Variants in NCAPD2 observed in about 807,000 individuals in gnomAD.
The protein encoded by NCAPD2 is non-SMC condensin I complex subunit D2.
In NCAPD2, 100 loss-of-function variants were observed where a neutral mutation model predicts 164.5. That is an observed-to-expected ratio of 0.61 (90% CI 0.52 to 0.72). NCAPD2 has a LOEUF of 0.72. Ranked by LOEUF, NCAPD2 falls within the 30% of genes least tolerant of loss-of-function variation. NCAPD2 has a pLI of 0.00. For synonymous variants in NCAPD2, 585 were observed against 642.6 expected (o/e 0.91, Z 1.36); for missense variants, 1,560 against 1,749.2 (o/e 0.89, Z 1.93).
chr12:6,505,440 A>G (rs1946090632), intron 2 of NCAPD2, among the ~76,000 whole-genome samples: 1 of 152,216 alleles, frequency 6.6e-6, no homozygotes, highest in Non-Finnish European at 1.5e-5. Flanking sequence ...TTAAGCAGAT[A>G]CTTGCAACAT....
chr12:6,510,338 G>A, intron 4 of NCAPD2: 1 of 788,050 alleles, frequency 1.3e-6, no homozygotes, highest in East Asian at 2.4e-5. Flanking sequence ...TGTGTTCACT[G>A]TAAGGGCAGA....
Position 6,510,931 on chromosome 12 carries a change from G to T in NCAPD2, c.444+121G>T, listed in dbSNP as rs1042615790. ...GTCCTCATTGAGAATTTAGGAGAAA[G>T]AACTCAAAAGTGTCACACGTTTTCT... On this transcript the variant is annotated intron_variant, in intron 5 of 31. Transcript: ENST00000315579. 1.0e-5 allele frequency: 14 copies of T among 1,354,004 alleles called. No homozygotes were observed. The Admixed American group carries it at 2.7e-4, about 26-fold the overall frequency. The allele number at this position is 1,354,004 out of a possible 1,614,324, so 83.9% of individuals were successfully genotyped here.
chr12:6,517,801 G>A lies in NCAPD2; in HGVS notation c.1431G>A (p.Glu477=), dbSNP rs745499693. 4 of 1,614,072 alleles carry A rather than the reference G, an allele frequency of 2.5e-6. No individual in the cohort carries two copies. In the African/African-American group the frequency reaches 5.3e-5, roughly 22 times the overall value. Residue 477 remains glutamate (E), a synonymous_variant, in exon 13 of 32, where the codon GAG becomes GAA. Coordinates refer to ENST00000315579, the MANE Select transcript of NCAPD2 (RefSeq NM_014865.4). ...AAASAVLDPE[E]EWEAMLPELK... ...TAGCTGCAGTGCTGGACCCAGAGGA[G>A]GAGTGGGAAGCCATGCTGCCAGAGT...
chr12:6,511,091 T>A lies in NCAPD2; in HGVS notation c.445-19T>A. 6.2e-7 allele frequency: 1 copy of A among 1,612,542 alleles called. No individual in the cohort carries two copies. On this transcript the variant is annotated intron_variant, in intron 5 of 31. Transcript: ENST00000315579. ...TTTTTCCCTTATTTTTTCCTCAATG[T>A]ATACATGATCCTTTTTAGGGTAAGA...
In NCAPD2 at chr12:6,523,266, A is replaced by G; in HGVS notation, c.2134A>G (p.Lys712Glu). 6.2e-7 allele frequency: 1 copy of G among 1,614,130 alleles called. No homozygotes were observed. The highest frequency in any genetic ancestry group is 8.5e-7 in the Non-Finnish European group (1 of 1,179,984). The change falls in exon 17 of 32, where the codon AAG becomes GAG. Residue 712 changes from lysine (K) to glutamate (E), a missense_variant. Coordinates refer to ENST00000315579, the MANE Select transcript of NCAPD2 (RefSeq NM_014865.4). ...TGATCTCTGCTGTTCCCACAGAGCCAAGGCCCAGGCTTTGATTCAGAATCT... is the reference window on the plus strand; with the variant it reads ...TGATCTCTGCTGTTCCCACAGAGCCGAGGCCCAGGCTTTGATTCAGAATCT... ...LNPKGDSARA[K>E]AQALIQNLSL...
At position 6,529,932 on chromosome 12, in the gene NCAPD2, C is replaced by T; in HGVS notation, c.3811C>T (p.Arg1271Ter). ...TTTTTTGTCAGTTGTAGGCAAGCTG[C>T]GACGTGGGGCCAAGCCTGAGGGCAA... Reference protein sequence around the residue: ...SAFLSVVGKLRRGAKPEGKAI... With the variant: ...SAFLSVVGKL The change falls in exon 29 of 32, where the codon CGA becomes TGA. Residue 1271 changes from arginine to a stop codon, truncating the protein, a stop_gained. Coordinates refer to ENST00000315579, the MANE Select transcript of NCAPD2 (RefSeq NM_014865.4). LOFTEE classifies it high-confidence loss of function. 15 of 1,613,878 alleles carry T rather than the reference C, an allele frequency of 9.3e-6. No homozygotes were observed. The highest frequency in any genetic ancestry group is 1.3e-5 in the Non-Finnish European group (15 of 1,179,816).
intron 2 of NCAPD2, among the ~76,000 whole-genome samples, chr12:6,509,243 T>C (rs1009007477): frequency 2.6e-5 from 4 of 152,106 alleles, no homozygotes; most frequent in African/African-American, 9.7e-5. Flanking sequence ...ATATAAGATA[T>C]CATCATCATT....
At chr12:6,529,721 G>T in intron 28 of NCAPD2, 54 bp from the exon 29 acceptor site, 1 of 1,602,498 alleles carries the variant, frequency 6.2e-7, no homozygotes, top group Non-Finnish European at 8.5e-7. Flanking sequence ...GGGGAAGGTT[G>T]AGCCTTTACT....
rs534313525 is a variant in NCAPD2 at position 6,521,182 on chromosome 12, C to T, written c.1714+72C>T. The T allele has an allele frequency of 8.4e-6, 13 of 1,550,312 alleles. No individual in the cohort carries two copies. In the African/African-American group the frequency reaches 1.8e-4, roughly 21 times the overall value. ...TATTTACTGAGCATTAACTTTATGC[C>T]ATCATTGGCCTGGTTAACAGAACCT... On this transcript the variant is annotated intron_variant, in intron 14 of 31. Coordinates refer to ENST00000315579, the MANE Select transcript of NCAPD2 (RefSeq NM_014865.4).
intron 13 of NCAPD2, among the ~76,000 whole-genome samples, chr12:6,519,165 C>T (rs923958008): frequency 5.9e-5 from 9 of 152,182 alleles, no homozygotes; most frequent in Admixed American, 4.6e-4. Flanking sequence ...GCTGGGATTA[C>T]AGGCTTGAGC....
chr12:6,529,184 C>T (rs740851), intron 27 of NCAPD2, 145 bp downstream of exon 27: 270,094 of 697,434 alleles, frequency 0.39, 56,015 homozygotes, highest in Non-Finnish European at 0.44. Flanking sequence ...CCTATTTCCT[C>T]TTCTTTTGAG....
At chr12:6,527,372 C>T (rs1946326868) in intron 22 of NCAPD2, among the ~76,000 whole-genome samples, 1 of 152,222 alleles carries the variant, frequency 6.6e-6, no homozygotes, top group Non-Finnish European at 1.5e-5. Context: ...CATCAGCTTC[C>T]ATTGCTGGCC....
At chr12:6,508,925 A>G (rs574408611) in intron 2 of NCAPD2, among the ~76,000 whole-genome samples, 7 of 152,294 alleles carry the variant, frequency 4.6e-5, no homozygotes, top group African/African-American at 1.7e-4. Context: ...GCCAACCCAA[A>G]TTGAGGGACA....
chr12:6,525,180 C>T (rs999134126), intron 17 of NCAPD2, among the ~76,000 whole-genome samples: 1 of 151,996 alleles, frequency 6.6e-6, no homozygotes, highest in African/African-American at 2.4e-5. Context: ...ATTAGATGAC[C>T]GAAATTTTAA....
In NCAPD2 at chr12:6,510,967, G is replaced by A. The variant is rs189356635; in HGVS notation, c.445-143G>A. ...TGTCACACGTTTTCTTCCTGGACAA[G>A]TAGCGCTGTGGAACTTGTAATATTT... On this transcript the variant is annotated intron_variant, in intron 5 of 31. Coordinates refer to ENST00000315579, the MANE Select transcript of NCAPD2 (RefSeq NM_014865.4). 3.9e-5 allele frequency: 49 copies of A among 1,272,390 alleles called. No homozygotes were observed. The African/African-American group carries it at 7.2e-4, about 19-fold the overall frequency. The allele number at this position is 1,272,390 out of a possible 1,614,324, so 78.8% of individuals were successfully genotyped here. A position where few individuals can be genotyped will look rare whatever the true frequency, so the allele number is the denominator to read the frequency against.
intron 2 of NCAPD2, among the ~76,000 whole-genome samples, chr12:6,505,448 C>A (rs1161194551): frequency 1.3e-5 from 2 of 152,192 alleles, no homozygotes; most frequent in Non-Finnish European, 2.9e-5. Flanking sequence ...ATACTTGCAA[C>A]ATTTGAGCTC....
Position 6,514,331 on chromosome 12 carries a change from C to T in NCAPD2, c.654C>T (p.Pro218=). 2 of 1,614,228 alleles carry T rather than the reference C, an allele frequency of 1.2e-6. No individual in the cohort carries two copies. Among genetic ancestry groups the T allele is most frequent in the Non-Finnish European group, 1.7e-6 (2 of 1,180,046 alleles). ...CCATTAATCACCAGAAGAACCGCCC[C>T]ACTCGGGAAGCCATAACACACCTGC... ...NPTINHQKNR[P]TREAITHLLG... is the part of the protein sequence containing the mutation. The change falls in exon 7 of 32, where the codon CCC becomes CCT. Residue 218 remains proline, a synonymous_variant. Transcript: ENST00000315579.
At chr12:6,509,074 C>CTT (rs57728406) in intron 2 of NCAPD2, among the ~76,000 whole-genome samples, 24,235 of 143,690 alleles carry the variant, frequency 0.17, 2,486 homozygotes, top group Non-Finnish European at 0.24. Context: ...ATAGGATAAA[C>CTT]TTTTTTTTTT....
rs1303508754 is a variant in NCAPD2 at position 6,522,983 on chromosome 12, C to T, written c.2110C>T (p.Pro704Ser). 1.9e-6 allele frequency: 3 copies of T among 1,614,054 alleles called. No individual in the cohort carries two copies. The highest frequency in any genetic ancestry group is 2.5e-6 in the Non-Finnish European group (3 of 1,180,034). ...TGCCTACCGCCAACTCTACCTCAAC[C>T]CCAAAGGGGACTCTGCCAGGTATAT... The part of the protein sequence containing the change: ...LNAYRQLYLN[P>S]KGDSARAKAQ... Residue 704 changes from proline to serine, a missense_variant, in exon 16 of 32, where the codon CCC (proline) becomes TCC (serine). By Grantham distance (74) the Pro-to-Ser change is moderately conservative. Coordinates refer to ENST00000315579, the MANE Select transcript of NCAPD2 (RefSeq NM_014865.4).
Sources: allele counts gnomAD v4.1 joint callset (sites outside exome capture counted in the v4.1 genomes callset), GRCh38; gene constraint gnomAD v4.1.1; transcripts MANE v1.5; gene names NCBI Gene and HGNC (gene_info 2026-07-23, HGNC 2026-07-21).